The following CNTNAP5 variants were observed in gnomAD, a reference collection of about 807,000 sequenced individuals.
CNTNAP5 encodes contactin associated protein family member 5.
A neutral mutation model predicts 150.2 loss-of-function variants in CNTNAP5; 72 were observed. That is an observed-to-expected ratio of 0.48 (90% CI 0.40 to 0.58). The LOEUF is 0.58. Among genes scored for constraint, CNTNAP5 ranks in the 20% least tolerant of loss-of-function variants. The pLI, the probability that CNTNAP5 is intolerant of heterozygous loss-of-function variation, is 0.00. For synonymous variants in CNTNAP5, 672 were observed against 619.8 expected (o/e 1.08, Z -1.25); for missense variants, 1,636 against 1,626.2 (o/e 1.01, Z -0.10).
chr2:124,617,826 G>A (rs184309120), intron 12 of CNTNAP5, among the ~76,000 whole-genome samples: 3 of 152,256 alleles, frequency 2.0e-5, no homozygotes, highest in African/African-American at 7.2e-5. Flanking sequence ...CTTGTTGGGA[G>A]CTCACAGGAG....
chr2:124,877,530 A>T (rs547920679), intron 21 of CNTNAP5, among the ~76,000 whole-genome samples: 1 of 152,264 alleles, frequency 6.6e-6, no homozygotes, highest in South Asian at 2.1e-4. Context: ...ACTCTCATTG[A>T]TATAAACTTC....
chr2:124,362,412 G>T (rs1178564590), intron 3 of CNTNAP5, among the ~76,000 whole-genome samples: 1 of 152,154 alleles, frequency 6.6e-6, no homozygotes, highest in African/African-American at 2.4e-5. Context: ...AAGTATTGTT[G>T]ACTTTCAGAA....
intron 17 of CNTNAP5, among the ~76,000 whole-genome samples, chr2:124,773,249 A>G (rs559532695): frequency 4.1e-4 from 62 of 152,032 alleles, no homozygotes; most frequent in Admixed American, 1.4e-3. Context: ...GATTCTGTAC[A>G]TTTTCTTTTT....
chr2:124,604,021 C>A (rs1697046631), intron 11 of CNTNAP5, among the ~76,000 whole-genome samples: 1 of 152,142 alleles, frequency 6.6e-6, no homozygotes, highest in African/African-American at 2.4e-5. Context: ...CTGTACTTTT[C>A]ATGGTCCCAA....
At chr2:124,375,660 T>A (rs1388683693) in intron 3 of CNTNAP5, among the ~76,000 whole-genome samples, 1 of 152,004 alleles carries the variant, frequency 6.6e-6, no homozygotes. Context: ...TCAGTGTAAT[T>A]TCCTGGTTTG....
intron 21 of CNTNAP5, among the ~76,000 whole-genome samples, chr2:124,884,061 A>G (rs1307569509): frequency 1.3e-5 from 2 of 152,024 alleles, no homozygotes; most frequent in African/African-American, 2.4e-5. Flanking sequence ...CTGTGTGTAT[A>G]TGTGTATGTG....
At chr2:124,179,290 G>T (rs1310908651) in intron 1 of CNTNAP5, among the ~76,000 whole-genome samples, 7 of 152,072 alleles carry the variant, frequency 4.6e-5, no homozygotes, top group Non-Finnish European at 1.0e-4. Flanking sequence ...CTCCTGAGTA[G>T]CTGGGATTAC....
intron 21 of CNTNAP5, among the ~76,000 whole-genome samples, chr2:124,897,971 GT>G: frequency 6.8e-6 from 1 of 146,332 alleles, no homozygotes; most frequent in East Asian, 2.0e-4. Flanking sequence ...GTGTGTGTGT[GT>G]GTGTGTATGT....
intron 19 of CNTNAP5, among the ~76,000 whole-genome samples, chr2:124,863,557 G>A (rs527667926): frequency 8.5e-5 from 13 of 152,220 alleles, no homozygotes; most frequent in Non-Finnish European, 1.5e-4. Context: ...AGAAGTGTTA[G>A]GCAATGGCCT....
At chr2:124,280,189 T>G (rs1165648895) in intron 3 of CNTNAP5, among the ~76,000 whole-genome samples, 2 of 151,838 alleles carry the variant, frequency 1.3e-5, no homozygotes, top group Non-Finnish European at 2.9e-5. Context: ...TACATTTTTT[T>G]TTATTTTTGA....
chr2:124,806,710 T>C (rs1405736842), intron 19 of CNTNAP5, among the ~76,000 whole-genome samples: 1 of 152,156 alleles, frequency 6.6e-6, no homozygotes, highest in Non-Finnish European at 1.5e-5. Flanking sequence ...AAAAAAGGAG[T>C]GCACAAAGTG....
chr2:124,290,064 G>A (rs764861827), intron 3 of CNTNAP5, among the ~76,000 whole-genome samples: 1 of 152,112 alleles, frequency 6.6e-6, no homozygotes, highest in Non-Finnish European at 1.5e-5. Context: ...TGAAGACATT[G>A]CAAAGGGTAC....
intron 19 of CNTNAP5, among the ~76,000 whole-genome samples, chr2:124,819,045 C>G (rs929275634): frequency 6.6e-6 from 1 of 152,090 alleles, no homozygotes; most frequent in African/African-American, 2.4e-5. Flanking sequence ...CCACAGGCTG[C>G]CATTTGAGGA....
At chr2:124,791,574 C>A (rs1478603213) in intron 18 of CNTNAP5, among the ~76,000 whole-genome samples, 1 of 152,084 alleles carries the variant, frequency 6.6e-6, no homozygotes, top group Non-Finnish European at 1.5e-5. Flanking sequence ...GCATTCTTCT[C>A]AGCATCTCTA....
chr2:124,438,445 C>T (rs1692590583), intron 5 of CNTNAP5, among the ~76,000 whole-genome samples: 1 of 152,128 alleles, frequency 6.6e-6, no homozygotes, highest in African/African-American at 2.4e-5. Context: ...GCAGGTCAAT[C>T]ATCCTTATAA....
At chr2:124,250,672 A>T (rs1304323124) in intron 3 of CNTNAP5, among the ~76,000 whole-genome samples, 2 of 151,980 alleles carry the variant, frequency 1.3e-5, no homozygotes, top group African/African-American at 4.8e-5. Context: ...AGCCTGGGGG[A>T]GTTACTGATG....
chr2:124,829,130 G>C (rs972953356), intron 19 of CNTNAP5, among the ~76,000 whole-genome samples: 2 of 152,108 alleles, frequency 1.3e-5, no homozygotes, highest in Admixed American at 1.3e-4. Flanking sequence ...CAAGAGATGT[G>C]GGGGGCCATG....
chr2:124,914,724 C>T lies in CNTNAP5; in HGVS notation c.*436C>T, dbSNP rs1678727623. Reference sequence around the variant, plus strand: ...GCTCAAGTCTATTCTTACCATAGAACCCAGGGCAGGGAGAGAAGAACCTAG... The same window carrying T: ...GCTCAAGTCTATTCTTACCATAGAATCCAGGGCAGGGAGAGAAGAACCTAG... On this transcript the variant is annotated 3_prime_UTR_variant, in exon 24 of 24. Transcript: ENST00000682447. 1 of 153,282 alleles carries T rather than the reference C, an allele frequency of 6.5e-6. No homozygotes were observed. 9.5% of individuals were successfully genotyped at this position (153,282 alleles called of 1,614,324 possible). A position where few individuals can be genotyped will look rare whatever the true frequency, so the allele number is the denominator to read the frequency against.
chr2:124,446,140 C>T (rs1350846561), intron 5 of CNTNAP5, among the ~76,000 whole-genome samples: 2 of 152,204 alleles, frequency 1.3e-5, no homozygotes, highest in East Asian at 3.9e-4. Flanking sequence ...AAGTTCTGAC[C>T]GTACCTGAGG....
Sources: allele counts gnomAD v4.1 joint callset (sites outside exome capture counted in the v4.1 genomes callset), GRCh38; gene constraint gnomAD v4.1.1; transcripts MANE v1.5; gene names NCBI Gene and HGNC (gene_info 2026-07-23, HGNC 2026-07-21).